TRIM37: variants seen among roughly 807,000 people sequenced by gnomAD.
TRIM37 encodes tripartite motif containing 37.
A neutral mutation model predicts 129.8 loss-of-function variants in TRIM37; 80 were observed. The observed-to-expected ratio is 0.62, with a 90% CI of 0.51 to 0.74. TRIM37 has a LOEUF of 0.74. Ranked by LOEUF, TRIM37 falls within the 30% of genes least tolerant of loss-of-function variation. The pLI, the probability that TRIM37 is intolerant of heterozygous loss-of-function variation, is 0.00. For missense variants in TRIM37, 1,054 were observed against 1,176.5 expected, an observed-to-expected ratio of 0.90 and a Z score of 1.52; for synonymous variants, 389 against 387.1, an observed-to-expected ratio of 1.00 and a Z score of -0.06.
chr17:58,990,687 A>C (rs1271418816), intron 24 of TRIM37, among the ~76,000 whole-genome samples: 2 of 150,328 alleles, frequency 1.3e-5, no homozygotes, highest in East Asian at 3.9e-4. Flanking sequence ...GCTACTCAGG[A>C]GGGTGAGGCA....
At chr17:59,085,838 A>G (rs1429821140) in intron 4 of TRIM37, among the ~76,000 whole-genome samples, 1 of 152,216 alleles carries the variant, frequency 6.6e-6, no homozygotes, top group Non-Finnish European at 1.5e-5. Context: ...TGACATATAC[A>G]TACAATATAA....
chr17:59,044,314 A>T (rs1395540307), intron 16 of TRIM37, among the ~76,000 whole-genome samples: 1 of 152,096 alleles, frequency 6.6e-6, no homozygotes, highest in Non-Finnish European at 1.5e-5. Flanking sequence ...CGTCTCAAAA[A>T]ATAAAGCCGG....
At chr17:59,096,234 G>A (rs890715842) in intron 2 of TRIM37, among the ~76,000 whole-genome samples, 4 of 151,804 alleles carry the variant, frequency 2.6e-5, no homozygotes, top group African/African-American at 9.7e-5. Context: ...TAGTGTAACA[G>A]GAGACCAAAA....
intron 2 of TRIM37, among the ~76,000 whole-genome samples, chr17:59,091,956 A>G (rs1189812870): frequency 6.6e-6 from 1 of 151,950 alleles, no homozygotes; most frequent in Non-Finnish European, 1.5e-5. Flanking sequence ...ATTTATTTCT[A>G]TCTAGTTTAC....
chr17:59,100,847 AC>A (rs2045388432), intron 2 of TRIM37, among the ~76,000 whole-genome samples: 1 of 152,214 alleles, frequency 6.6e-6, no homozygotes, highest in South Asian at 2.1e-4. Context: ...ACATGGTGAA[AC>A]CCTGTTTCTA....
At chr17:59,025,355 C>T (rs764397471) in intron 19 of TRIM37, among the ~76,000 whole-genome samples, 3 of 150,464 alleles carry the variant, frequency 2.0e-5, no homozygotes, top group African/African-American at 4.9e-5. Flanking sequence ...AAAAATAAGA[C>T]CCATGAATAT....
chr17:59,012,327 CCTTCTTCA>C lies in TRIM37; in HGVS notation c.2688_2695del (p.Glu897AsnfsTer3). ...TTACTTATAAGTTTATCATTCCTTA[CCTTCTTCA>C]GGGGCAGCTGAAGCTCCTTCAGGTA... On this transcript the variant is annotated frameshift_variant and splice_region_variant, in exon 22 of 24. Transcript: ENST00000262294. LOFTEE classifies it high-confidence loss of function. 1 of 1,523,184 alleles carries C rather than the reference CCTTCTTCA, an allele frequency of 6.6e-7. No homozygotes were observed. Among genetic ancestry groups the C allele is most frequent in the Non-Finnish European group, 8.9e-7 (1 of 1,118,736 alleles). 94.4% of individuals were successfully genotyped at this position (1,523,184 alleles called of 1,614,324 possible).
rs1185893906 is a variant in TRIM37 at position 59,064,429 on chromosome 17, A to T, written c.810-24T>A. The T allele has an allele frequency of 4.5e-6, 7 of 1,549,836 alleles. No homozygotes were observed. In the East Asian group the frequency reaches 1.6e-4, roughly 35 times the overall value. ...CACTAAAAAAAAAAAGGCAAAAAAA[A>T]TTATTTAGCTTACATGTTTAAAATT... On this transcript the variant is annotated intron_variant, in intron 9 of 23. Coordinates refer to ENST00000262294, the MANE Select transcript of TRIM37 (RefSeq NM_015294.6).
chr17:59,009,157 C>T lies in TRIM37; in HGVS notation c.2695+3171G>A, dbSNP rs533353143. Among the ~76,000 whole-genome samples the T allele has an allele frequency of 3.9e-5, 6 of 152,184 alleles. No homozygotes were observed. The South Asian group carries it at 6.2e-4, about 16-fold the overall frequency. On this transcript the variant is annotated intron_variant, in intron 22 of 23. Transcript: ENST00000262294. ...TCTTCTTTTTTTTGAGACAGAGTCTCGCTCTGTCACCCAGGCTGGAGTGCA... is the reference window on the plus strand; with the variant it reads ...TCTTCTTTTTTTTGAGACAGAGTCTTGCTCTGTCACCCAGGCTGGAGTGCA...
At chr17:59,042,250 C>A (rs1198554243) in intron 16 of TRIM37, among the ~76,000 whole-genome samples, 1 of 150,270 alleles carries the variant, frequency 6.7e-6, no homozygotes, top group Non-Finnish European at 1.5e-5. Flanking sequence ...GTGGCAGGCA[C>A]CTGTAGTCCC....
chr17:58,980,550 C>T (rs1844548925), downstream of TRIM37: 1 of 1,613,982 alleles, frequency 6.2e-7, no homozygotes, highest in Non-Finnish European at 8.5e-7. This position sits in a 1 kb window ranked among gnomAD's most constrained non-coding sequence, Gnocchi z 4.7. Context: ...GGTCCTGGTG[C>T]ACCAAAGAAA....
At chr17:59,084,136 T>C in intron 4 of TRIM37, 47 bp from the exon 5 acceptor site, 1 of 1,435,822 alleles carries the variant, frequency 7.0e-7, no homozygotes, top group South Asian at 1.1e-5. Flanking sequence ...AATTGGAACA[T>C]AATCACCTCC....
chr17:59,062,467 A>G, intron 11 of TRIM37, 100 bp downstream of exon 11: 3 of 964,032 alleles, frequency 3.1e-6, no homozygotes, highest in Non-Finnish European at 3.2e-6. Context: ...GTAACAAAAA[A>G]AAGAAGAGTT....
intron 16 of TRIM37, among the ~76,000 whole-genome samples, chr17:59,042,532 G>A (rs542473299): frequency 1.3e-5 from 2 of 148,410 alleles, no homozygotes; most frequent in African/African-American, 2.5e-5. Flanking sequence ...GGAGGCTAAG[G>A]TGGGAGGATC....
At chr17:59,012,832 C>T (rs1369279510) in intron 21 of TRIM37, among the ~76,000 whole-genome samples, 1 of 150,714 alleles carries the variant, frequency 6.6e-6, no homozygotes, top group Non-Finnish European at 1.5e-5. Context: ...GCCGAGGTTG[C>T]ACCATTGCAC....
intron 20 of TRIM37, 141 bp downstream of exon 20, chr17:59,017,155 C>A (rs544266625): frequency 3.1e-5 from 33 of 1,077,858 alleles, no homozygotes; most frequent in African/African-American, 1.1e-4. Context: ...CAAAGTGAGA[C>A]CCTGTTTCAA....
At chr17:59,027,475 C>T (rs2037370205) in intron 19 of TRIM37, among the ~76,000 whole-genome samples, 1 of 152,266 alleles carries the variant, frequency 6.6e-6, no homozygotes, top group Admixed American at 6.5e-5. Context: ...ATAGCACATC[C>T]TTAAGAGAAC....
At chr17:59,064,906 C>T (rs1434125549) in intron 9 of TRIM37, among the ~76,000 whole-genome samples, 2 of 151,776 alleles carry the variant, frequency 1.3e-5, no homozygotes, top group African/African-American at 4.8e-5. Flanking sequence ...CAAAAATTAC[C>T]CAAATGTGGT....
At chr17:59,037,557 C>CAAAAAAAAAAAAAAAAAAAAAAAAAA (rs58856834) in intron 17 of TRIM37, among the ~76,000 whole-genome samples, 5 of 74,034 alleles carry the variant, frequency 6.8e-5, no homozygotes, top group African/African-American at 1.5e-4. Context: ...GACTCTGTCT[C>CAAAAAAAAAAAAAAAAAAAAAAAAAA]AAAAAAAAAA....
Sources: allele counts gnomAD v4.1 joint callset (sites outside exome capture counted in the v4.1 genomes callset), GRCh38; gene constraint gnomAD v4.1.1; non-coding constraint Gnocchi (gnomAD v3.1); transcripts MANE v1.5; gene names NCBI Gene and HGNC (gene_info 2026-07-23, HGNC 2026-07-21).